Variants in RELN observed in about 807,000 individuals in gnomAD.
The protein encoded by RELN is reelin.
Under a neutral mutation model 427.6 loss-of-function variants are expected in RELN, and 108 were observed. That is an observed-to-expected ratio of 0.25 (90% CI 0.22 to 0.30). The LOEUF (loss-of-function observed/expected upper bound fraction) is 0.30, where lower values mean the gene tolerates loss of function less well. RELN is among the 10% of genes least tolerant of loss of function. RELN has a pLI of 1.00. For synonymous variants in RELN, 1,524 were observed against 1,513.4 expected (o/e 1.01, Z -0.16); for missense variants, 3,715 against 4,302.8 (o/e 0.86, Z 3.82).
intron 31 of RELN, among the ~76,000 whole-genome samples, chr7:103,568,477 G>A (rs1404611214): frequency 6.6e-6 from 1 of 152,208 alleles, no homozygotes; most frequent in African/African-American, 2.4e-5. Flanking sequence ...GTGTGGGGAT[G>A]AGGGTTACAG....
At chr7:103,741,389 T>C (rs1562983904) in intron 6 of RELN, among the ~76,000 whole-genome samples, 2 of 151,936 alleles carry the variant, frequency 1.3e-5, no homozygotes, top group Non-Finnish European at 2.9e-5. Context: ...AATATAAATA[T>C]ATTTAATTTG....
At chr7:103,714,247 G>A (rs1408358874) in intron 8 of RELN, among the ~76,000 whole-genome samples, 1 of 152,054 alleles carries the variant, frequency 6.6e-6, no homozygotes, top group Non-Finnish European at 1.5e-5. Context: ...TTTTATAAAA[G>A]TATAATTGGT....
intron 16 of RELN, among the ~76,000 whole-genome samples, chr7:103,647,536 G>GGA (rs768193111): frequency 2.5e-4 from 36 of 144,204 alleles, no homozygotes; most frequent in African/African-American, 9.2e-4. Context: ...AAACACTGAT[G>GGA]AAAAAAAAAA....
At chr7:103,889,883 C>T (rs264365) in intron 2 of RELN, among the ~76,000 whole-genome samples, 3,812 of 152,300 alleles carry the variant, frequency 0.025, 159 homozygotes, top group African/African-American at 0.087. Context: ...GGTAGCACAA[C>T]ACAGAATTTG....
intron 3 of RELN, among the ~76,000 whole-genome samples, chr7:103,797,122 G>C (rs962135016): frequency 1.3e-5 from 2 of 151,914 alleles, no homozygotes; most frequent in Non-Finnish European, 2.9e-5. Context: ...CGTCGCTCTT[G>C]TCACCCAGGC....
At chr7:103,976,235 T>C (rs1218991488) in intron 1 of RELN, among the ~76,000 whole-genome samples, 5 of 152,188 alleles carry the variant, frequency 3.3e-5, no homozygotes, top group Admixed American at 6.5e-5. Flanking sequence ...GTTGGTAAAA[T>C]GCTAAACTGG....
In RELN at chr7:103,574,126, C is replaced by A. The variant is rs1307056370; in HGVS notation, c.4477G>T (p.Ala1493Ser). ...CTGGTGTCCAGAGGGACCGTCCGGG[C>A]TTCCCTTTTCCCAGGGCCATTGAAG... ...LYFNGPGKRE[A>S]RTVPLDTRNI... The change falls in exon 30 of 65, where the codon GCC becomes TCC. Residue 1493 changes from alanine to serine, a missense_variant. Around this residue, in one of 4 missense-constraint regions of RELN, gnomAD observed 2,208 missense variants for 2,361.7 expected, o/e 0.93. Coordinates refer to ENST00000428762, the MANE Select transcript of RELN (RefSeq NM_005045.4). The A allele has an allele frequency of 6.2e-7, 1 of 1,614,174 alleles. No homozygotes were observed. Among genetic ancestry groups the A allele is most frequent in the Non-Finnish European group, 8.5e-7 (1 of 1,180,016 alleles).
chr7:103,551,520 C>CCT (rs572560524), intron 40 of RELN, among the ~76,000 whole-genome samples: 84 of 151,970 alleles, frequency 5.5e-4, no homozygotes, highest in African/African-American at 2.0e-3. Flanking sequence ...AATTTATTTC[C>CCT]CTTCATTTTA....
intron 4 of RELN, among the ~76,000 whole-genome samples, chr7:103,773,500 C>T (rs945310469): frequency 5.4e-5 from 8 of 147,422 alleles, no homozygotes; most frequent in Non-Finnish European, 1.2e-4. Flanking sequence ...TTGACAGAGT[C>T]TCACTGTTGC....
chr7:103,944,362 C>T lies in RELN; in HGVS notation c.227-27177G>A, dbSNP rs571224702. 2.6e-4 allele frequency among the ~76,000 whole-genome samples: 39 copies of T among 152,180 alleles called. No homozygotes were observed. In the South Asian group the frequency reaches 7.5e-3, roughly 29 times the overall value. On this transcript the variant is annotated intron_variant, in intron 1 of 64. Transcript: ENST00000428762. ...CAGAGGAGGAAGAACACTCTGACAC[C>T]GTGTTCTCCTTGGAAGACATACTGC... is the stretch of plus-strand genomic sequence containing the variant.
chr7:103,819,122 G>T (rs1563031888), intron 3 of RELN, among the ~76,000 whole-genome samples: 1 of 151,994 alleles, frequency 6.6e-6, no homozygotes, highest in African/African-American at 2.4e-5. Flanking sequence ...ATGAATATTT[G>T]CTTAGCTGTA....
chr7:103,839,275 A>G (rs1179062346), intron 2 of RELN, among the ~76,000 whole-genome samples: 1 of 151,324 alleles, frequency 6.6e-6, no homozygotes, highest in Admixed American at 6.6e-5. Context: ...ATGCAACTTC[A>G]AACACTATGA....
At chr7:103,723,753 A>C (rs1479301538) in intron 7 of RELN, among the ~76,000 whole-genome samples, 1 of 152,190 alleles carries the variant, frequency 6.6e-6, no homozygotes, top group Non-Finnish European at 1.5e-5. Flanking sequence ...TTGTAAATAA[A>C]CCAGAAGCCT....
At chr7:103,878,633 T>TC (rs35487202) in intron 2 of RELN, among the ~76,000 whole-genome samples, 5,240 of 152,168 alleles carry the variant, frequency 0.034, 300 homozygotes, top group African/African-American at 0.12. Context: ...AAAAATTCCT[T>TC]CTTCAAAAAA....
At chr7:103,561,011 G>C (rs1189765779) in intron 36 of RELN, among the ~76,000 whole-genome samples, 1 of 152,140 alleles carries the variant, frequency 6.6e-6, no homozygotes, top group Non-Finnish European at 1.5e-5. Flanking sequence ...TTAGCACAGA[G>C]TTTCACACAA....
chr7:103,907,414 G>GAAAAAAAAAAAAAAAAAAAAAAAAAAA (rs1795234328), intron 2 of RELN, among the ~76,000 whole-genome samples: 3 of 39,714 alleles, frequency 7.6e-5, no homozygotes, highest in Admixed American at 3.5e-4. Context: ...TCAAGGCTCT[G>GAAAAAAAAAAAAAAAAAAAAAAAAAAA]GAAAAAAAAA....
intron 6 of RELN, among the ~76,000 whole-genome samples, chr7:103,746,087 G>A (rs1267242653): frequency 6.6e-6 from 1 of 152,000 alleles, no homozygotes; most frequent in Non-Finnish European, 1.5e-5. Context: ...CAATGGAACA[G>A]AACAGAGCCC....
intron 2 of RELN, among the ~76,000 whole-genome samples, chr7:103,908,107 T>C (rs962498596): frequency 1.3e-5 from 2 of 152,134 alleles, no homozygotes; most frequent in African/African-American, 4.8e-5. Context: ...TAGTCATCAC[T>C]GGCCTTCCCA....
chr7:103,817,582 C>G (rs936642199), intron 3 of RELN, among the ~76,000 whole-genome samples: 2 of 152,150 alleles, frequency 1.3e-5, no homozygotes, highest in Middle Eastern at 3.2e-3. Context: ...AAGAAGAAAT[C>G]TGTAGGATTT....
Sources: allele counts gnomAD v4.1 joint callset (sites outside exome capture counted in the v4.1 genomes callset), GRCh38; gene constraint gnomAD v4.1.1; regional missense constraint gnomAD v4.1.1; transcripts MANE v1.5; gene names NCBI Gene and HGNC (gene_info 2026-07-23, HGNC 2026-07-21).